RDX: variants seen among roughly 807,000 people sequenced by gnomAD.
RDX encodes the protein radixin.
RDX carries 32 observed loss-of-function variants against 83.7 expected under a neutral mutation model. That is an observed-to-expected ratio of 0.38 (90% CI 0.29 to 0.51). The LOEUF (loss-of-function observed/expected upper bound fraction) is 0.51, where lower values mean the gene tolerates loss of function less well. Among genes scored for constraint, RDX ranks in the 20% least tolerant of loss-of-function variants. The probability of loss-of-function intolerance (pLI) is 0.87; values close to 1 mark genes in which losing one functional copy is unlikely to be tolerated. For missense variants in RDX, 600 were observed against 689.9 expected, an observed-to-expected ratio of 0.87 and a Z score of 1.46; for synonymous variants, 229 against 222.7, an observed-to-expected ratio of 1.03 and a Z score of -0.25.
chr11:110,232,866 C>T (rs918446200), intron 13 of RDX, among the ~76,000 whole-genome samples: 2 of 152,190 alleles, frequency 1.3e-5, no homozygotes. Flanking sequence ...CCACCTGCCT[C>T]GGCCTCCCAG....
intron 14 of RDX, among the ~76,000 whole-genome samples, chr11:110,206,949 C>A (rs1413322520): frequency 6.6e-6 from 1 of 151,260 alleles, no homozygotes; most frequent in Non-Finnish European, 1.5e-5. Flanking sequence ...ATCAGACTCA[C>A]CTTTAAAACA....
At chr11:110,224,610 T>C (rs1034722654), downstream of RDX, among the ~76,000 whole-genome samples, 1 of 152,222 alleles carries the variant, frequency 6.6e-6, no homozygotes, top group Admixed American at 6.5e-5. Context: ...ACTTCTATTG[T>C]GCCACTAAAG....
intron 12 of RDX, among the ~76,000 whole-genome samples, chr11:110,234,955 C>T (rs1019034307): frequency 2.6e-5 from 4 of 152,058 alleles, no homozygotes; most frequent in African/African-American, 9.7e-5. Flanking sequence ...TTGAATTAAA[C>T]TCTCATTATC....
Position 110,264,778 on chromosome 11 carries a change from CCT to C in RDX, c.191_192del (p.Lys64SerfsTer7). The C allele has an allele frequency of 6.3e-7, 1 of 1,593,334 alleles. No homozygotes were observed. The highest frequency in any genetic ancestry group is 8.6e-7 in the Non-Finnish European group (1 of 1,162,006). ...GYSTWLKLNK[K>X]VTQQDVKKEN... ...GTTTAATGTTATCGTACATATTTTA[CCT>C]TTTTATTTAGTTTAAGCCATGTAGA... On this transcript the variant is annotated frameshift_variant and splice_region_variant, in exon 4 of 14. Coordinates refer to ENST00000645495, the MANE Select transcript of RDX (RefSeq NM_002906.4). LOFTEE classifies it high-confidence loss of function.
chr11:110,271,355 C>A (rs963173670), intron 3 of RDX, among the ~76,000 whole-genome samples: 1 of 152,300 alleles, frequency 6.6e-6, no homozygotes, highest in African/African-American at 2.4e-5. Context: ...ATTCTGACTA[C>A]AGGCTATTGC....
At chr11:110,262,161 C>T (rs1229723250) in intron 5 of RDX, among the ~76,000 whole-genome samples, 1 of 151,898 alleles carries the variant, frequency 6.6e-6, no homozygotes, top group African/African-American at 2.4e-5. Context: ...CATTCAAAAC[C>T]AGAATATAAA....
In RDX at chr11:110,258,293, CAGACAATTAA is replaced by C; in HGVS notation, c.468-114_468-105del. ...TCAGTAACTTGACTGTGGTAGTTGT[CAGACAATTAA>C]TACACATGATGAAATTGCATAGAAC... On this transcript the variant is annotated intron_variant, in intron 5 of 13. Transcript: ENST00000645495. 3 of 736,070 alleles carry C rather than the reference CAGACAATTAA, an allele frequency of 4.1e-6. No individual in the cohort carries two copies. The South Asian group carries it at 5.2e-5, about 13-fold the overall frequency. 45.6% of individuals were successfully genotyped at this position (736,070 alleles called of 1,614,324 possible). A position where few individuals can be genotyped will look rare whatever the true frequency, so the allele number is the denominator to read the frequency against.
chr11:110,210,337 T>C (rs2134254404), intron 14 of RDX, among the ~76,000 whole-genome samples: 1 of 118,260 alleles, frequency 8.5e-6, no homozygotes, highest in South Asian at 2.7e-4. Context: ...TATGGGACTA[T>C]GTGAAAAGAC....
At position 110,182,601 on chromosome 11, in the gene RDX, AAAC is replaced by A. The variant is rs140588360; in HGVS notation, c.*32-7370_*32-7368del. On this transcript the variant is annotated intron_variant, in intron 15 of 15. Transcript: ENST00000528498. ...GGGTGACAGAGCCAGCCCCTGTCTC[AAAC>A]AACAACAACAACAACTTATTGAATG... Among the ~76,000 whole-genome samples the A allele has an allele frequency of 6.5e-4, 99 of 152,132 alleles. 1 individual carries two copies. The East Asian group carries it at 0.015, about 23-fold the overall frequency.
chr11:110,280,845 A>C (rs536841780), intron 1 of RDX, among the ~76,000 whole-genome samples: 27 of 152,128 alleles, frequency 1.8e-4, no homozygotes, highest in African/African-American at 6.3e-4. Flanking sequence ...AACAAACAAA[A>C]AAATGTTATT....
At chr11:110,272,336 C>A in intron 3 of RDX, among the ~76,000 whole-genome samples, 200 bp downstream of exon 3, 1 of 152,152 alleles carries the variant, frequency 6.6e-6, no homozygotes, top group African/African-American at 2.4e-5. Flanking sequence ...TTCAAGAAGT[C>A]CTCTCCCACA....
intron 10 of RDX, among the ~76,000 whole-genome samples, chr11:110,240,799 C>A (rs1321509560): frequency 1.4e-5 from 2 of 139,480 alleles, no homozygotes; most frequent in Non-Finnish European, 3.1e-5. Flanking sequence ...CATGCCTGTA[C>A]TCCCAGCACT....
chr11:110,211,097 A>G (rs1450053995), intron 14 of RDX, among the ~76,000 whole-genome samples: 1 of 152,224 alleles, frequency 6.6e-6, no homozygotes, highest in Non-Finnish European at 1.5e-5. Context: ...CAGGAAACCC[A>G]ACTCATGTGC....
At chr11:110,207,331 G>T (rs970410873) in intron 14 of RDX, among the ~76,000 whole-genome samples, 1 of 152,134 alleles carries the variant, frequency 6.6e-6, no homozygotes, top group Non-Finnish European at 1.5e-5. Flanking sequence ...CCTGAGGAGG[G>T]CACCCTGCAA....
chr11:110,182,058 G>T (rs565555871), intron 15 of RDX, among the ~76,000 whole-genome samples: 3 of 152,278 alleles, frequency 2.0e-5, no homozygotes, highest in South Asian at 2.1e-4. Flanking sequence ...AAGAGAAGGT[G>T]GGGGAGAGAC....
At chr11:110,282,712 C>T (rs1233183662) in intron 1 of RDX, among the ~76,000 whole-genome samples, 2 of 152,196 alleles carry the variant, frequency 1.3e-5, no homozygotes, top group African/African-American at 4.8e-5. Flanking sequence ...GGCATGGTGG[C>T]TCACACCTGT....
chr11:110,231,745 T>C lies in RDX; in HGVS notation c.*124A>G. 1 of 1,036,286 alleles carries C rather than the reference T, an allele frequency of 9.6e-7. No homozygotes were observed. Among genetic ancestry groups the C allele is most frequent in the Non-Finnish European group, 1.5e-6 (1 of 665,716 alleles). The allele number at this position is 1,036,286 out of a possible 1,614,324, so 64.2% of individuals were successfully genotyped here. ...GCTCCCCTTAAATTTGTCTTTTAGC[T>C]AGCACAGTCAAACTGGTGTAAGTGC... On this transcript the variant is annotated 3_prime_UTR_variant, in exon 14 of 14. Transcript: ENST00000645495.
Position 110,231,393 on chromosome 11 carries a change from G to C in RDX, c.*476C>G. 4.7e-6 allele frequency: 1 copy of C among 213,416 alleles called. No individual in the cohort carries two copies. Among genetic ancestry groups the C allele is most frequent in the Non-Finnish European group, 9.5e-6 (1 of 105,262 alleles). The allele number at this position is 213,416 out of a possible 1,614,324, so 13.2% of individuals were successfully genotyped here. On this transcript the variant is annotated 3_prime_UTR_variant, in exon 14 of 14. Coordinates refer to ENST00000645495, the MANE Select transcript of RDX (RefSeq NM_002906.4). ...ATTTTAAACACTGCCTGATCTGTATGATGGTGGAATTATGGCTATGGACAT... is the reference window on the plus strand; with the variant it reads ...ATTTTAAACACTGCCTGATCTGTATCATGGTGGAATTATGGCTATGGACAT...
At chr11:110,220,426 T>C (rs1394691610) in intron 14 of RDX, among the ~76,000 whole-genome samples, 1 of 152,206 alleles carries the variant, frequency 6.6e-6, no homozygotes. Context: ...GTCTCAGAAG[T>C]GGCCAGGCCA....
Sources: allele counts gnomAD v4.1 joint callset (sites outside exome capture counted in the v4.1 genomes callset), GRCh38; gene constraint gnomAD v4.1.1; transcripts MANE v1.5; gene names NCBI Gene and HGNC (gene_info 2026-07-23, HGNC 2026-07-21).